The following NBEA variants were observed in gnomAD, a reference collection of about 807,000 sequenced individuals.
NBEA encodes neurobeachin.
A neutral mutation model predicts 343.4 loss-of-function variants in NBEA; 44 were observed. The observed-to-expected ratio is 0.13, with a 90% CI of 0.10 to 0.16. The LOEUF is 0.16. Among genes scored for constraint, NBEA ranks in the 10% least tolerant of loss-of-function variants. The probability of loss-of-function intolerance (pLI) is 1.00; values close to 1 mark genes in which losing one functional copy is unlikely to be tolerated. For missense variants in NBEA, 2,555 were observed against 3,631.3 expected (o/e 0.70, Z 7.62); for synonymous variants, 1,175 against 1,238.7 (o/e 0.95, Z 1.08).
Position 35,273,629 on chromosome 13 carries a change from A to G in NBEA, c.5777-16760A>G, listed in dbSNP as rs541405632. Among the ~76,000 whole-genome samples, 6 of 152,252 alleles carry G rather than the reference A, an allele frequency of 3.9e-5. No homozygotes were observed. The East Asian group carries it at 1.2e-3, about 29-fold the overall frequency. ...GATAGACTGCTAGCAAGACTAATAAAGAAGAAAAGAGAGAAGAATCAAATA... is the reference window on the plus strand; with the variant it reads ...GATAGACTGCTAGCAAGACTAATAAGGAAGAAAAGAGAGAAGAATCAAATA... On this transcript the variant is annotated intron_variant, in intron 34 of 58. Transcript: ENST00000379939.
chr13:34,955,326 A>G (rs1182371157), intron 1 of NBEA, among the ~76,000 whole-genome samples: 1 of 152,006 alleles, frequency 6.6e-6, no homozygotes, highest in Non-Finnish European at 1.5e-5. Context: ...TTGGGTACAT[A>G]AAAGAGTAAC....
At chr13:35,660,361 C>G (rs1298639235) in intron 55 of NBEA, among the ~76,000 whole-genome samples, 1 of 152,148 alleles carries the variant, frequency 6.6e-6, no homozygotes, top group Non-Finnish European at 1.5e-5. Context: ...TAAATCATAG[C>G]CATGTGAAAC....
At chr13:35,014,501 T>G (rs1374490775) in intron 1 of NBEA, among the ~76,000 whole-genome samples, 1 of 152,228 alleles carries the variant, frequency 6.6e-6, no homozygotes, top group African/African-American at 2.4e-5. Flanking sequence ...TGAATATTAT[T>G]TTTTAAAGAT....
At chr13:35,405,354 T>C (rs1270314768) in intron 38 of NBEA, among the ~76,000 whole-genome samples, 2 of 152,198 alleles carry the variant, frequency 1.3e-5, no homozygotes, top group Non-Finnish European at 2.9e-5. Context: ...CATATCTTAG[T>C]AGACTGTCTC....
At chr13:35,128,335 T>G (rs915198739) in intron 17 of NBEA, among the ~76,000 whole-genome samples, 5 of 152,048 alleles carry the variant, frequency 3.3e-5, no homozygotes, top group African/African-American at 1.2e-4. Context: ...GAAGAATTCT[T>G]TATAATGATA....
At chr13:35,313,022 A>G (rs1486264926) in intron 36 of NBEA, among the ~76,000 whole-genome samples, 2 of 152,130 alleles carry the variant, frequency 1.3e-5, no homozygotes, top group Admixed American at 1.3e-4. Context: ...TTCGTGGTAA[A>G]CTGTAGAAAG....
At chr13:35,351,846 A>T (rs1250173251) in intron 37 of NBEA, among the ~76,000 whole-genome samples, 1 of 152,062 alleles carries the variant, frequency 6.6e-6, no homozygotes, top group Non-Finnish European at 1.5e-5. Context: ...TTGATAAACA[A>T]GTAGGTTTAC....
At chr13:34,975,426 G>A (rs1353626172) in intron 1 of NBEA, among the ~76,000 whole-genome samples, 2 of 152,060 alleles carry the variant, frequency 1.3e-5, no homozygotes, top group African/African-American at 4.8e-5. Context: ...GAATGAAACT[G>A]GATCCTTATC....
chr13:35,383,361 A>C (rs1345135042), intron 38 of NBEA, among the ~76,000 whole-genome samples: 1 of 152,178 alleles, frequency 6.6e-6, no homozygotes, highest in Non-Finnish European at 1.5e-5. Flanking sequence ...ATTAACTGTC[A>C]ATAGCATTAT....
Position 35,414,431 on chromosome 13 carries a change from C to CT in NBEA, c.6180-17837dup, listed in dbSNP as rs2043778419. On this transcript the variant is annotated intron_variant, in intron 38 of 58. Transcript: ENST00000379939. ...GTGTGTGATGGTCCCCACCCTGTGTCTAACTGTTGTCATTGTTTAATTCCC... is the reference window on the plus strand; with the variant it reads ...GTGTGTGATGGTCCCCACCCTGTGTCTTAACTGTTGTCATTGTTTAATTCCC... Among the ~76,000 whole-genome samples the CT allele has an allele frequency of 2.6e-5, 4 of 151,678 alleles. No homozygotes were observed. The South Asian group carries it at 6.3e-4, about 24-fold the overall frequency.
intron 36 of NBEA, among the ~76,000 whole-genome samples, chr13:35,335,749 T>G (rs1234142209): frequency 6.6e-6 from 1 of 152,062 alleles, no homozygotes; most frequent in Non-Finnish European, 1.5e-5. Flanking sequence ...AGGTAAAAGA[T>G]AAGAGTTTAG....
chr13:35,121,907 TAATAA>T (rs2066821609), intron 16 of NBEA, among the ~76,000 whole-genome samples: 1 of 152,148 alleles, frequency 6.6e-6, no homozygotes, highest in African/African-American at 2.4e-5. Flanking sequence ...GAAACATATT[TAATAA>T]AATAAAGCAC....
rs527385594 is a variant in NBEA, at chr13:35,081,737, G to C, written c.1571+10885G>C. 3.9e-4 allele frequency among the ~76,000 whole-genome samples: 59 copies of C among 152,176 alleles called. No homozygotes were observed. In the South Asian group the frequency reaches 3.9e-3, roughly 10 times the overall value. On this transcript the variant is annotated intron_variant, in intron 10 of 58. Coordinates refer to ENST00000379939, the MANE Select transcript of NBEA (RefSeq NM_001385012.1). ...ACAGCAATTTGTGGAGTATAAAAAA[G>C]TGAATCTTGTTTTTAAGAGTATTTT...
intron 41 of NBEA, among the ~76,000 whole-genome samples, chr13:35,489,374 A>G (rs377189946): frequency 1.3e-5 from 2 of 151,616 alleles, no homozygotes; most frequent in Admixed American, 6.6e-5. Flanking sequence ...TAAGTTGCCT[A>G]CTCTATTGTG....
chr13:34,972,411 G>A (rs1745266272), intron 1 of NBEA, among the ~76,000 whole-genome samples: 1 of 152,026 alleles, frequency 6.6e-6, no homozygotes, highest in Non-Finnish European at 1.5e-5. Context: ...TCTTTTAGTT[G>A]TGATGTTAGG....
chr13:34,983,771 A>C (rs2060445625), intron 1 of NBEA, among the ~76,000 whole-genome samples: 1 of 152,198 alleles, frequency 6.6e-6, no homozygotes, highest in Non-Finnish European at 1.5e-5. Context: ...TCTGGTGACC[A>C]GTGATGATGA....
chr13:35,316,366 T>C (rs183602412), intron 36 of NBEA, among the ~76,000 whole-genome samples: 58 of 152,308 alleles, frequency 3.8e-4, no homozygotes, highest in African/African-American at 1.3e-3. Flanking sequence ...TGTTTGGTTT[T>C]CTGTTCCTGT....
chr13:35,299,492 C>T (rs150462527), intron 35 of NBEA, among the ~76,000 whole-genome samples: 16 of 152,216 alleles, frequency 1.1e-4, no homozygotes, highest in Admixed American at 9.8e-4. Context: ...ACTTATTTGT[C>T]TTCAAAGTGT....
intron 8 of NBEA, among the ~76,000 whole-genome samples, chr13:35,068,085 T>C (rs1317297354): frequency 1.3e-5 from 2 of 152,048 alleles, no homozygotes; most frequent in African/African-American, 4.8e-5. Flanking sequence ...ATACTGCAAG[T>C]AAGGAAAGAT....
Sources: allele counts gnomAD v4.1 joint callset (sites outside exome capture counted in the v4.1 genomes callset), GRCh38; gene constraint gnomAD v4.1.1; transcripts MANE v1.5; gene names NCBI Gene and HGNC (gene_info 2026-07-23, HGNC 2026-07-21).